Variants in MCU observed in about 807,000 individuals in gnomAD.
The protein encoded by MCU is calcium uniporter protein, mitochondrial.
In MCU, 12 loss-of-function variants were observed where a neutral mutation model predicts 45.2. That is an observed-to-expected ratio of 0.27 (90% CI 0.17 to 0.43). The LOEUF (loss-of-function observed/expected upper bound fraction) is 0.43, where lower values mean the gene tolerates loss of function less well. MCU is among the 20% of genes least tolerant of loss of function. The pLI, the probability that MCU is intolerant of heterozygous loss-of-function variation, is 1.00. For missense variants in MCU, 324 were observed against 436.7 expected (o/e 0.74, Z 2.30); for synonymous variants, 160 against 165.1 (o/e 0.97, Z 0.24).
intron 1 of MCU, among the ~76,000 whole-genome samples, chr10:72,785,979 C>T (rs1218572714): frequency 6.6e-6 from 1 of 152,072 alleles, no homozygotes; most frequent in East Asian, 1.9e-4. Context: ...GTGTTGCTTA[C>T]CAATTTGAGG....
chr10:72,843,381 A>G (rs1845074793), intron 2 of MCU, among the ~76,000 whole-genome samples: 1 of 152,154 alleles, frequency 6.6e-6, no homozygotes, highest in Non-Finnish European at 1.5e-5. Context: ...CCTTTTCCAG[A>G]ATGTCTTATG....
chr10:72,804,253 A>AT (rs1336192126), intron 1 of MCU, among the ~76,000 whole-genome samples: 1 of 150,134 alleles, frequency 6.7e-6, no homozygotes, highest in Non-Finnish European at 1.5e-5. Context: ...TATCTGGCAA[A>AT]TTTTTTTGTA....
intron 1 of MCU, among the ~76,000 whole-genome samples, chr10:72,829,924 T>C (rs1844855280): frequency 6.6e-6 from 1 of 152,240 alleles, no homozygotes; most frequent in Non-Finnish European, 1.5e-5. Context: ...ACATGTGTGT[T>C]TGTAAATACT....
Position 72,885,889 on chromosome 10 carries a change from G to A in MCU, c.*67G>A. ...TTGCCTTTTTAATTAAAGCATTGCA[G>A]GTGGAAGCTGGGAGCCATGTGGGGG... On this transcript the variant is annotated 3_prime_UTR_variant, in exon 8 of 8. Transcript: ENST00000373053. 5 of 1,321,826 alleles carry A rather than the reference G, an allele frequency of 3.8e-6. No individual in the cohort carries two copies. The highest frequency in any genetic ancestry group is 1.8e-4 in the Middle Eastern group (1 of 5,518). The allele number at this position is 1,321,826 out of a possible 1,614,324, so 81.9% of individuals were successfully genotyped here.
intron 1 of MCU, among the ~76,000 whole-genome samples, chr10:72,746,134 T>G (rs1843411791): frequency 6.6e-6 from 1 of 152,200 alleles, no homozygotes; most frequent in Non-Finnish European, 1.5e-5. Context: ...TTGTTGAGCA[T>G]CTTTTGTGTG....
At chr10:72,699,334 G>C (rs1039635874) in intron 1 of MCU, among the ~76,000 whole-genome samples, 3 of 151,882 alleles carry the variant, frequency 2.0e-5, no homozygotes, top group African/African-American at 7.3e-5. Context: ...GTGAAACCCC[G>C]TCTCTACTAA....
rs139739200 is a variant in MCU, at chr10:72,816,098, G to A, written c.151-18261G>A. 3.9e-3 allele frequency among the ~76,000 whole-genome samples: 597 copies of A among 152,188 alleles called. 4 individuals carry two copies. Among genetic ancestry groups the A allele is most frequent in the African/African-American group, 0.013 (553 of 41,532 alleles). On this transcript the variant is annotated intron_variant, in intron 1 of 7. Transcript: ENST00000373053. ...AGGCACGAGAATCACTTGAAATAGC[G>A]GGGCGGAGGTTGCAGTGAGCCAAGA...
chr10:72,797,325 G>A (rs1406651993), intron 1 of MCU, among the ~76,000 whole-genome samples: 3 of 151,200 alleles, frequency 2.0e-5, no homozygotes, highest in Non-Finnish European at 4.4e-5. Flanking sequence ...CTGGGTTCAA[G>A]CGATTCTCCT....
At chr10:72,831,291 G>GATACA (rs1844874769) in intron 1 of MCU, among the ~76,000 whole-genome samples, 3 of 152,132 alleles carry the variant, frequency 2.0e-5, no homozygotes, top group Non-Finnish European at 2.9e-5. Context: ...AGGGGAGTCT[G>GATACA]TAGTTGATAC....
At chr10:72,775,357 TATAAC>T (rs1333272934) in intron 1 of MCU, among the ~76,000 whole-genome samples, 2 of 151,580 alleles carry the variant, frequency 1.3e-5, no homozygotes, top group Admixed American at 6.6e-5. Flanking sequence ...AAATGGAAAA[TATAAC>T]ATACCAAAAT....
At chr10:72,757,729 C>T (rs1843599010) in intron 1 of MCU, among the ~76,000 whole-genome samples, 1 of 152,132 alleles carries the variant, frequency 6.6e-6, no homozygotes, top group African/African-American at 2.4e-5. Context: ...TCCCCCTCCC[C>T]CATGAGAATG....
At chr10:72,772,965 C>T (rs995317516) in intron 1 of MCU, among the ~76,000 whole-genome samples, 8 of 152,088 alleles carry the variant, frequency 5.3e-5, no homozygotes, top group African/African-American at 1.7e-4. Context: ...GTGGCACGAC[C>T]GTGGCTCACT....
intron 1 of MCU, chr10:72,708,501 G>C (rs966424348): frequency 6.6e-6 from 1 of 152,240 alleles, no homozygotes; most frequent in African/African-American, 2.4e-5. Context: ...TTAGTTGCCT[G>C]CAGGAGTCAA....
chr10:72,705,624 C>G (rs566465673), intron 1 of MCU, among the ~76,000 whole-genome samples: 47 of 152,008 alleles, frequency 3.1e-4, no homozygotes, highest in African/African-American at 1.1e-3. Context: ...TCGAGACCAG[C>G]CTGACCAACA....
At chr10:72,837,140 T>C (rs1029436238) in intron 2 of MCU, among the ~76,000 whole-genome samples, 1 of 152,190 alleles carries the variant, frequency 6.6e-6, no homozygotes, top group Non-Finnish European at 1.5e-5. Context: ...TAATAAAATA[T>C]GTAGATTATC....
intron 1 of MCU, among the ~76,000 whole-genome samples, chr10:72,717,052 C>G (rs1438529500): frequency 6.6e-5 from 10 of 151,822 alleles, no homozygotes; most frequent in Non-Finnish European, 1.3e-4. Context: ...TGCTAGGTCT[C>G]ACAACATATT....
chr10:72,880,519 A>G (rs1168340537), intron 6 of MCU, among the ~76,000 whole-genome samples: 3 of 152,198 alleles, frequency 2.0e-5, no homozygotes, highest in African/African-American at 2.4e-5. Flanking sequence ...TAAAAAATGT[A>G]TAAGACTCTA....
chr10:72,819,240 CT>C (rs1371445902), intron 1 of MCU, among the ~76,000 whole-genome samples: 7 of 152,112 alleles, frequency 4.6e-5, no homozygotes, highest in Non-Finnish European at 1.0e-4. Context: ...AAGTTTGCTA[CT>C]TTGAGGAAGT....
At chr10:72,847,654 A>G (rs1845143296) in intron 2 of MCU, among the ~76,000 whole-genome samples, 1 of 152,238 alleles carries the variant, frequency 6.6e-6, no homozygotes, top group Admixed American at 6.5e-5. Context: ...TGGTTATTTA[A>G]TACTGTACAG....
Sources: allele counts gnomAD v4.1 joint callset (sites outside exome capture counted in the v4.1 genomes callset), GRCh38; gene constraint gnomAD v4.1.1; transcripts MANE v1.5; gene names NCBI Gene and HGNC (gene_info 2026-07-23, HGNC 2026-07-21).